The following SNAPC1 variants were observed in gnomAD, a reference collection of about 807,000 sequenced individuals.
SNAPC1 encodes small nuclear RNA activating complex polypeptide 1.
SNAPC1 carries 42 observed loss-of-function variants against 50.1 expected under a neutral mutation model. The ratio of observed to expected loss-of-function variants is 0.84; its 90% CI spans 0.65 to 1.08. The LOEUF is 1.08. SNAPC1 is among the 50% of genes least tolerant of loss of function. The pLI is 0.00. For synonymous variants in SNAPC1, 164 were observed against 144.2 expected, an observed-to-expected ratio of 1.14 and a Z score of -0.98; for missense variants, 477 against 427.3, an observed-to-expected ratio of 1.12 and a Z score of -1.02.
intron 4 of SNAPC1, among the ~76,000 whole-genome samples, chr14:61,769,629 C>A (rs1334173902): frequency 6.6e-6 from 1 of 151,960 alleles, no homozygotes; most frequent in African/African-American, 2.4e-5. Context: ...GATCTCCTGA[C>A]CTGGTGATCT....
At chr14:61,771,492 T>C (rs938537709) in intron 4 of SNAPC1, among the ~76,000 whole-genome samples, 3 of 152,196 alleles carry the variant, frequency 2.0e-5, no homozygotes, top group South Asian at 2.1e-4. Flanking sequence ...TTTTTCCCTC[T>C]AGCAGCTTAG....
chr14:61,773,695 C>CT lies in SNAPC1; in HGVS notation c.535-2386dup, dbSNP rs58541226. 4.1e-3 allele frequency among the ~76,000 whole-genome samples: 562 copies of CT among 136,410 alleles called. 5 individuals are homozygous for CT. Among genetic ancestry groups the CT allele is most frequent in the South Asian group, 8.6e-3 (36 of 4,208 alleles). 89.5% of individuals were successfully genotyped at this position (136,410 alleles called of 152,430 possible). ...GCAGGCGCGGGCCACCATGCCTGGCCTTTTTTTTTTTTTTATTTTTTAAGG... is the reference window on the plus strand; with the variant it reads ...GCAGGCGCGGGCCACCATGCCTGGCCTTTTTTTTTTTTTTTATTTTTTAAGG... On this transcript the variant is annotated intron_variant, in intron 4 of 9. Transcript: ENST00000216294.
At chr14:61,794,260 C>G (rs2045172501) in intron 9 of SNAPC1, among the ~76,000 whole-genome samples, 1 of 151,714 alleles carries the variant, frequency 6.6e-6, no homozygotes. Context: ...GAGGGTGTAC[C>G]CATATGAAAC....
At chr14:61,766,796 T>C (rs1247846778) in intron 1 of SNAPC1, 80 bp from the exon 2 acceptor site, 2 of 728,034 alleles carry the variant, frequency 2.7e-6, no homozygotes, top group Non-Finnish European at 4.5e-6. Flanking sequence ...AACTACCGTT[T>C]AAACAAGTAT....
At chr14:61,771,340 G>A (rs1287588790) in intron 4 of SNAPC1, among the ~76,000 whole-genome samples, 2 of 152,202 alleles carry the variant, frequency 1.3e-5, no homozygotes, top group Non-Finnish European at 2.9e-5. Flanking sequence ...AGGTTAGGAA[G>A]TAATGGAGCT....
intron 8 of SNAPC1, among the ~76,000 whole-genome samples, chr14:61,788,902 T>A (rs554551777): frequency 3.3e-5 from 5 of 152,180 alleles, no homozygotes; most frequent in African/African-American, 4.8e-5. Flanking sequence ...AATAAAATTA[T>A]TGTCAGTCCA....
At chr14:61,783,421 C>G (rs192595953) in intron 8 of SNAPC1, among the ~76,000 whole-genome samples, 1 of 149,598 alleles carries the variant, frequency 6.7e-6, no homozygotes, top group Non-Finnish European at 1.5e-5. Context: ...AACCATGTTT[C>G]TTTTTAGCTG....
rs547269262 is a variant in SNAPC1, at chr14:61,796,013, A to C, written c.*1030A>C. 9 of 152,252 alleles carry C rather than the reference A, an allele frequency of 5.9e-5. No individual in the cohort carries two copies. Among genetic ancestry groups the C allele is most frequent in the African/African-American group, 1.9e-4 (8 of 41,544 alleles). 9.4% of individuals were successfully genotyped at this position (152,252 alleles called of 1,614,324 possible). On this transcript the variant is annotated 3_prime_UTR_variant, in exon 10 of 10. Coordinates refer to ENST00000216294, the MANE Select transcript of SNAPC1 (RefSeq NM_003082.4). ...CCAGCCTTAACCTGTTTCACAGTTG[A>C]TTATACTTCATGCTGTTTTCCAGCA... is the stretch of plus-strand genomic sequence containing the variant.
intron 4 of SNAPC1, among the ~76,000 whole-genome samples, chr14:61,769,236 T>C (rs974324113): frequency 1.3e-5 from 2 of 151,822 alleles, no homozygotes; most frequent in East Asian, 3.9e-4. Context: ...CGCACGTCTG[T>C]GGTCCCAGCT....
chr14:61,795,372 C>CTAAT lies in SNAPC1; in HGVS notation c.*391_*392insATTA, dbSNP rs58784475. ...ATTAATGTTTATTACATGCAAATAACTATTTTGTATCTACAGTCGGATAAT... is the reference window on the plus strand; with the variant it reads ...ATTAATGTTTATTACATGCAAATAACTAATTATTTTGTATCTACAGTCGGATAAT... On this transcript the variant is annotated 3_prime_UTR_variant, in exon 10 of 10. Coordinates refer to ENST00000216294, the MANE Select transcript of SNAPC1 (RefSeq NM_003082.4). 0.19 allele frequency: 28,590 copies of CTAAT among 153,142 alleles called. 2,888 individuals are homozygous for CTAAT. Among genetic ancestry groups the CTAAT allele is most frequent in the African/African-American group, 0.26 (10,896 of 41,418 alleles). 9.5% of individuals were successfully genotyped at this position (153,142 alleles called of 1,614,324 possible). A position where few individuals can be genotyped will look rare whatever the true frequency, so the allele number is the denominator to read the frequency against.
chr14:61,792,926 T>C (rs370347851), intron 9 of SNAPC1, 24 bp downstream of exon 9: 11 of 1,282,326 alleles, frequency 8.6e-6, no homozygotes, highest in Admixed American at 3.9e-5. Flanking sequence ...TTGGTCAAAC[T>C]AGTCAAGTAA....
chr14:61,764,938 G>C (rs944339208), intron 1 of SNAPC1, among the ~76,000 whole-genome samples: 1 of 149,604 alleles, frequency 6.7e-6, no homozygotes, highest in African/African-American at 2.5e-5. Context: ...GTTTATGGCT[G>C]CAGGGCAAAT....
intron 8 of SNAPC1, among the ~76,000 whole-genome samples, chr14:61,787,802 CA>C (rs1262523262): frequency 6.6e-6 from 1 of 152,200 alleles, no homozygotes; most frequent in African/African-American, 2.4e-5. Context: ...GAGTCCTTCT[CA>C]GGCCATATTT....
chr14:61,794,385 TTTG>T (rs932975890), intron 9 of SNAPC1, among the ~76,000 whole-genome samples: 13 of 152,104 alleles, frequency 8.5e-5, no homozygotes, highest in African/African-American at 1.9e-4. Context: ...GGTAGTATTT[TTTG>T]TTGTTATGTG....
intron 1 of SNAPC1, among the ~76,000 whole-genome samples, chr14:61,762,979 G>GTTTTTTT (rs1384010616): frequency 8.1e-5 from 6 of 74,354 alleles, no homozygotes; most frequent in Non-Finnish European, 1.3e-4. Flanking sequence ...AACCAAAGTT[G>GTTTTTTT]TCTTTTTTTT....
At chr14:61,793,305 G>C (rs923520331) in intron 9 of SNAPC1, among the ~76,000 whole-genome samples, 1 of 152,050 alleles carries the variant, frequency 6.6e-6, no homozygotes, top group Non-Finnish European at 1.5e-5. Flanking sequence ...CTTGATCACA[G>C]TGACTTACTA....
chr14:61,774,660 T>G (rs1055623693), intron 4 of SNAPC1, among the ~76,000 whole-genome samples: 1 of 141,196 alleles, frequency 7.1e-6, no homozygotes, highest in Admixed American at 7.1e-5. Flanking sequence ...TTTTTTTTTT[T>G]TTTTTTTTTT....
At chr14:61,793,708 G>A (rs1410811431) in intron 9 of SNAPC1, among the ~76,000 whole-genome samples, 4 of 139,560 alleles carry the variant, frequency 2.9e-5, no homozygotes, top group African/African-American at 8.0e-5. Context: ...CCAGGCTGGA[G>A]TGCAATGGCG....
intron 8 of SNAPC1, among the ~76,000 whole-genome samples, chr14:61,791,101 T>C (rs1159586756): frequency 6.6e-6 from 1 of 152,128 alleles, no homozygotes; most frequent in African/African-American, 2.4e-5. Flanking sequence ...AACCTCCGCC[T>C]CCTGGGTTCA....
Sources: allele counts gnomAD v4.1 joint callset (sites outside exome capture counted in the v4.1 genomes callset), GRCh38; gene constraint gnomAD v4.1.1; transcripts MANE v1.5; gene names NCBI Gene and HGNC (gene_info 2026-07-23, HGNC 2026-07-21).